The following CACNA1C variants were observed in gnomAD, a reference collection of about 807,000 sequenced individuals.
CACNA1C encodes the protein voltage-dependent L-type calcium channel subunit alpha-1C.
In CACNA1C, 30 loss-of-function variants were observed where a neutral mutation model predicts 229.0. The ratio of observed to expected loss-of-function variants is 0.13; its 90% confidence interval spans 0.10 to 0.18. CACNA1C has a LOEUF of 0.18. Among genes scored for constraint, CACNA1C ranks in the 10% least tolerant of loss-of-function variants. The pLI, the probability that CACNA1C is intolerant of heterozygous loss-of-function variation, is 1.00. For synonymous variants in CACNA1C, 1,114 were observed against 1,132.5 expected (o/e 0.98, Z 0.33); for missense variants, 1,658 against 2,845.0 (o/e 0.58, Z 9.49).
At chr12:2,392,774 T>C (rs1364074283) in intron 3 of CACNA1C, among the ~76,000 whole-genome samples, 1 of 152,188 alleles carries the variant, frequency 6.6e-6, no homozygotes, top group Non-Finnish European at 1.5e-5. Flanking sequence ...CTGTGGCCTT[T>C]ACCTGGGGGA....
intron 1 of CACNA1C, among the ~76,000 whole-genome samples, chr12:2,041,652 G>A (rs1446270288): frequency 2.6e-5 from 4 of 152,218 alleles, no homozygotes; most frequent in African/African-American, 9.6e-5. Context: ...AGAATCTCAA[G>A]AAGACTACAA....
At position 2,108,264 on chromosome 12, in the gene CACNA1C, T is replaced by G. The variant is rs1236143803; in HGVS notation, c.50-6960T>G. 6.6e-6 allele frequency among the ~76,000 whole-genome samples: 1 copy of G among 152,200 alleles called. No homozygotes were observed. Among genetic ancestry groups the G allele is most frequent in the Non-Finnish European group, 1.5e-5 (1 of 68,024 alleles). The stretch of plus-strand genomic sequence containing the variant: ...ATTGGAAATGCTGCAAGAGCAGGCT[T>G]TAGGCCGGGTCTGTGGGAATGATTC... On this transcript the variant is annotated intron_variant, in intron 1 of 46. Transcript: ENST00000399655. This position sits in a 1 kb window ranked among gnomAD's most constrained non-coding sequence, Gnocchi z 5.3.
intron 3 of CACNA1C, among the ~76,000 whole-genome samples, chr12:2,395,520 C>CT (rs908484192): frequency 1.7e-4 from 26 of 151,246 alleles, no homozygotes; most frequent in African/African-American, 4.6e-4. Flanking sequence ...GGGAAAGGGG[C>CT]TTTTTTTTTC....
intron 1 of CACNA1C, among the ~76,000 whole-genome samples, chr12:2,093,143 A>G (rs1457755847): frequency 6.6e-6 from 1 of 152,236 alleles, no homozygotes; most frequent in Non-Finnish European, 1.5e-5. Context: ...TTAGTTACAG[A>G]GTCAGAAAGA....
chr12:2,322,606 G>C (rs752088529), intron 3 of CACNA1C, among the ~76,000 whole-genome samples: 2 of 152,206 alleles, frequency 1.3e-5, no homozygotes, highest in Non-Finnish European at 2.9e-5. Flanking sequence ...GTCCAGGCTA[G>C]AAACGGGACC....
At chr12:2,106,228 G>A (rs1595978168) in intron 1 of CACNA1C, among the ~76,000 whole-genome samples, 1 of 55,536 alleles carries the variant, frequency 1.8e-5, no homozygotes, top group African/African-American at 5.6e-5. Flanking sequence ...CCCCGGAGAG[G>A]GTTTCCACCT....
At chr12:2,337,507 T>G (rs573413768) in intron 3 of CACNA1C, among the ~76,000 whole-genome samples, 1 of 152,338 alleles carries the variant, frequency 6.6e-6, no homozygotes, top group East Asian at 1.9e-4. Flanking sequence ...GATGTTCCAG[T>G]GTTCCATGAA....
At position 2,403,991 on chromosome 12, in the gene CACNA1C, T is replaced by C. The variant is rs1387867456; in HGVS notation, c.478-44985T>C. Among the ~76,000 whole-genome samples the C allele has an allele frequency of 6.6e-6, 1 of 152,228 alleles. No individual in the cohort carries two copies. Among genetic ancestry groups the C allele is most frequent in the Non-Finnish European group, 1.5e-5 (1 of 68,050 alleles). On this transcript the variant is annotated intron_variant, in intron 3 of 46. Coordinates refer to ENST00000399655, the MANE Select transcript of CACNA1C (RefSeq NM_000719.7). The surrounding 1 kb of genome is among the most constrained non-coding windows in gnomAD (Gnocchi z 4.1). ...GTCCTTGCTGTGTACCAGGGCACAC[T>C]GTGGGCTCCGTCCAGCCAGGCAGGG...
At chr12:2,650,627 GT>G (rs988895937) in intron 31 of CACNA1C, among the ~76,000 whole-genome samples, 1 of 152,154 alleles carries the variant, frequency 6.6e-6, no homozygotes, top group African/African-American at 2.4e-5. Context: ...GTCAGCTCAT[GT>G]TCTCAGGTTT....
chr12:2,312,213 T>C (rs112232944), intron 3 of CACNA1C, among the ~76,000 whole-genome samples: 6 of 152,298 alleles, frequency 3.9e-5, no homozygotes, highest in African/African-American at 1.4e-4. Flanking sequence ...GAAATGCTGA[T>C]ATGTGGTTGC....
At chr12:2,636,816 A>G (rs1468891112) in intron 30 of CACNA1C, among the ~76,000 whole-genome samples, 1 of 152,204 alleles carries the variant, frequency 6.6e-6, no homozygotes, top group Non-Finnish European at 1.5e-5. Flanking sequence ...GGTTTTTTCC[A>G]CTTTCTAAAT....
At chr12:2,607,446 T>G in intron 26 of CACNA1C, 1 of 250,430 alleles carries the variant, frequency 4.0e-6, no homozygotes. Context: ...GAGTTGGGTG[T>G]GGGGAGAGCT....
chr12:2,458,241 T>C (rs1240256988), intron 5 of CACNA1C, among the ~76,000 whole-genome samples: 1 of 152,248 alleles, frequency 6.6e-6, no homozygotes, highest in Non-Finnish European at 1.5e-5. Context: ...ACGCCTGTCA[T>C]TGTGAGAACT....
At chr12:2,008,194 T>A (rs2043807362) in intron 1 of CACNA1C, among the ~76,000 whole-genome samples, 1 of 152,180 alleles carries the variant, frequency 6.6e-6, no homozygotes, top group African/African-American at 2.4e-5. Context: ...CACAGCTCAC[T>A]GCAGACTTGA....
intron 4 of CACNA1C, among the ~76,000 whole-genome samples, chr12:2,456,606 C>T (rs772772555): frequency 6.6e-6 from 1 of 152,178 alleles, no homozygotes; most frequent in Non-Finnish European, 1.5e-5. Context: ...GCTTCCTCTG[C>T]CTGGAACAGT....
At chr12:2,533,506 C>T (rs953597282) in intron 9 of CACNA1C, among the ~76,000 whole-genome samples, 2 of 152,220 alleles carry the variant, frequency 1.3e-5, no homozygotes, top group African/African-American at 4.8e-5. Context: ...GCCAGTCTTT[C>T]CAGGGTGCTT....
intron 45 of CACNA1C, among the ~76,000 whole-genome samples, chr12:2,687,690 C>G (rs1401387744): frequency 6.6e-6 from 1 of 152,178 alleles, no homozygotes; most frequent in Admixed American, 6.5e-5. Context: ...CAGGCATGCA[C>G]CACCATGCCT....
In CACNA1C at chr12:2,688,528, C is replaced by T; in HGVS notation, c.5866C>T (p.Pro1956Ser). The change falls in exon 46 of 47, where the codon CCA becomes TCA. Residue 1956 changes from proline to serine, a missense_variant. Physicochemically the swap from Pro to Ser is moderately conservative, Grantham distance 74. Around this residue, in one of 20 missense-constraint regions of CACNA1C, gnomAD observed 590 missense variants for 700.8 expected, o/e 0.84. Coordinates refer to ENST00000399655, the MANE Select transcript of CACNA1C (RefSeq NM_000719.7). Reference sequence around the variant, plus strand: ...ATTCCCTAGGCCTTTTGCCACCCCACCAGCCACACCTGGCAGCCGAGGCTG... The same window carrying T: ...ATTCCCTAGGCCTTTTGCCACCCCATCAGCCACACCTGGCAGCCGAGGCTG... ...ASFPRPFATP[P>S]ATPGSRGWPP... 1.2e-6 allele frequency: 2 copies of T among 1,613,950 alleles called. No homozygotes were observed. Among genetic ancestry groups the T allele is most frequent in the South Asian group, 1.1e-5 (1 of 91,080 alleles).
chr12:2,012,229 T>C (rs2044567702), intron 1 of CACNA1C, among the ~76,000 whole-genome samples: 1 of 152,172 alleles, frequency 6.6e-6, no homozygotes, highest in African/African-American at 2.4e-5. Context: ...AGGGGAGGTA[T>C]AGTATCTACT....
Sources: gnomAD v4.1 joint callset for allele counts (sites outside exome capture counted in the v4.1 genomes callset) on GRCh38, gnomAD v4.1.1 for gene constraint, gnomAD v4.1.1 regional missense constraint, Gnocchi (gnomAD v3.1) non-coding constraint, MANE v1.5 for transcripts, NCBI Gene and HGNC (gene_info 2026-07-23, HGNC 2026-07-21) for gene names.